The following DLG2 variants were observed in gnomAD, a reference collection of about 807,000 sequenced individuals.
DLG2 encodes the protein disks large homolog 2.
DLG2 carries 45 observed loss-of-function variants against 132.5 expected under a neutral mutation model. The ratio of observed to expected loss-of-function variants is 0.34; its 90% CI spans 0.27 to 0.44. The LOEUF is 0.44. Ranked by LOEUF, DLG2 falls within the 20% of genes least tolerant of loss-of-function variation. The probability of loss-of-function intolerance (pLI) is 1.00; values close to 1 mark genes in which losing one functional copy is unlikely to be tolerated. For missense variants in DLG2, 1,045 were observed against 1,196.9 expected (o/e 0.87, Z 1.87); for synonymous variants, 424 against 419.6 (o/e 1.01, Z -0.13).
At chr11:83,592,561 A>G (rs2097206358) in intron 19 of DLG2, among the ~76,000 whole-genome samples, 1 of 152,212 alleles carries the variant, frequency 6.6e-6, no homozygotes. Flanking sequence ...CCTAGGCATC[A>G]CCATTCAGGA....
rs2099214600 is a variant in DLG2 at position 84,502,258 on chromosome 11, CCTTCCTTCCTT to C, written c.519+32301_519+32311del. 4.5e-5 allele frequency among the ~76,000 whole-genome samples: 2 copies of C among 44,888 alleles called. 1 individual carries two copies. Among genetic ancestry groups the C allele is most frequent in the Non-Finnish European group, 7.7e-5 (2 of 26,092 alleles). 29.4% of individuals were successfully genotyped at this position (44,888 alleles called of 152,430 possible). On this transcript the variant is annotated intron_variant, in intron 7 of 27. Transcript: ENST00000376104. ...TCCTTCCTTCCTTCCTTCCTTCCTT[CCTTCCTTCCTT>C]CCTTCCTTCCTTCTTTCTTTCTTTC... is the stretch of plus-strand genomic sequence containing the variant.
At chr11:83,835,289 T>C (rs2055822110) in intron 16 of DLG2, among the ~76,000 whole-genome samples, 2 of 152,098 alleles carry the variant, frequency 1.3e-5, no homozygotes, top group African/African-American at 4.8e-5. Context: ...TAATAAACAA[T>C]AGATGCAATA....
intron 7 of DLG2, among the ~76,000 whole-genome samples, chr11:84,479,419 G>C (rs746339942): frequency 4.1e-4 from 63 of 151,896 alleles, no homozygotes; most frequent in Admixed American, 7.9e-4. Context: ...CTCTTGTTCA[G>C]ATATAATTCA....
chr11:85,284,444 A>C (rs2078431099), intron 4 of DLG2, among the ~76,000 whole-genome samples: 1 of 151,840 alleles, frequency 6.6e-6, no homozygotes, highest in South Asian at 2.1e-4. Context: ...AGCTTCCAAA[A>C]CATCGAGTTG....
At chr11:84,733,158 T>C (rs922816061) in intron 6 of DLG2, among the ~76,000 whole-genome samples, 3 of 152,204 alleles carry the variant, frequency 2.0e-5, no homozygotes, top group African/African-American at 7.2e-5. Flanking sequence ...ATATACCCAG[T>C]AATGGGATTG....
chr11:85,625,107 C>G (rs2153283199), intron 2 of DLG2: 1 of 151,198 alleles, frequency 6.6e-6, no homozygotes, highest in Non-Finnish European at 1.5e-5. Context: ...TCCCACATAC[C>G]TTTTTATCTC....
chr11:83,774,300 T>C (rs1407542067), intron 18 of DLG2, among the ~76,000 whole-genome samples: 1 of 152,240 alleles, frequency 6.6e-6, no homozygotes, highest in East Asian at 1.9e-4. Flanking sequence ...AGCCACATTA[T>C]AGGGTTTCTG....
chr11:84,714,613 CTCTTTCTCTT>C (rs2060936079), intron 6 of DLG2, among the ~76,000 whole-genome samples: 5 of 104,416 alleles, frequency 4.8e-5, no homozygotes, highest in African/African-American at 2.0e-4. Flanking sequence ...CTTTCTCTTT[CTCTTTCTCTT>C]TCTCTCTCTC....
chr11:85,452,569 G>T, intron 3 of DLG2: 1 of 202,066 alleles, frequency 4.9e-6, no homozygotes, highest in Non-Finnish European at 1.1e-5. Flanking sequence ...ACCATAACTA[G>T]AATGTACCCT....
At chr11:83,958,140 AT>A (rs2087405176) in intron 14 of DLG2, among the ~76,000 whole-genome samples, 1 of 152,228 alleles carries the variant, frequency 6.6e-6, no homozygotes, top group Non-Finnish European at 1.5e-5. Context: ...GAAGCTGAAT[AT>A]TCACTGAATG....
intron 21 of DLG2, among the ~76,000 whole-genome samples, chr11:83,511,107 CACACACAT>C (rs1447688415): frequency 6.0e-5 from 9 of 150,924 alleles, no homozygotes; most frequent in African/African-American, 2.2e-4. Flanking sequence ...CACACACACA[CACACACAT>C]TCTTTTCTAT....
At chr11:84,776,096 T>C (rs2070430163) in intron 6 of DLG2, among the ~76,000 whole-genome samples, 1 of 152,184 alleles carries the variant, frequency 6.6e-6, no homozygotes. Context: ...ATTAAGTATT[T>C]TATCCCCTCC....
At chr11:84,856,412 C>T (rs1013621897) in intron 6 of DLG2, among the ~76,000 whole-genome samples, 2 of 152,158 alleles carry the variant, frequency 1.3e-5, no homozygotes, top group South Asian at 4.1e-4. Flanking sequence ...GGCTTCCTTC[C>T]TTGTGTTGTA....
chr11:84,789,706 T>C lies in DLG2; in HGVS notation c.358-254975A>G, dbSNP rs180711108. 1.0e-3 allele frequency among the ~76,000 whole-genome samples: 152 copies of C among 152,260 alleles called. 1 individual carries two copies. The highest frequency in any genetic ancestry group is 3.5e-3 in the African/African-American group (144 of 41,570). On this transcript the variant is annotated intron_variant, in intron 6 of 27. Coordinates refer to ENST00000376104, the MANE Select transcript of DLG2 (RefSeq NM_001142699.3). ...TATTTTTTTAACCATTAACCATCTC[T>C]ACATCCCCCCATTAACCCTCACTAC...
At chr11:85,481,858 C>G (rs2093301126) in intron 3 of DLG2, among the ~76,000 whole-genome samples, 1 of 152,072 alleles carries the variant, frequency 6.6e-6, no homozygotes, top group Admixed American at 6.6e-5. Flanking sequence ...AGTGCCAGAC[C>G]AGCCCCCTGC....
At chr11:85,136,529 A>G (rs552742715) in intron 5 of DLG2, among the ~76,000 whole-genome samples, 1 of 152,302 alleles carries the variant, frequency 6.6e-6, no homozygotes, top group East Asian at 1.9e-4. Flanking sequence ...GATTTTCACA[A>G]GAAGTCTTTG....
At chr11:85,397,504 C>G (rs1361558650) in intron 3 of DLG2, among the ~76,000 whole-genome samples, 3 of 152,006 alleles carry the variant, frequency 2.0e-5, no homozygotes, top group African/African-American at 7.2e-5. Flanking sequence ...AAGAATCAAG[C>G]ACCATTGGTA....
chr11:83,653,869 T>C (rs1216194299), intron 18 of DLG2, among the ~76,000 whole-genome samples: 1 of 151,980 alleles, frequency 6.6e-6, no homozygotes, highest in Non-Finnish European at 1.5e-5. Context: ...ATTACAGGCA[T>C]GCACCACCAC....
chr11:84,036,465 G>C (rs1263312827), intron 11 of DLG2, among the ~76,000 whole-genome samples: 1 of 152,024 alleles, frequency 6.6e-6, no homozygotes, highest in African/African-American at 2.4e-5. Context: ...CACTCTAACA[G>C]ATGTCCCATC....
Sources: allele counts gnomAD v4.1 joint callset (sites outside exome capture counted in the v4.1 genomes callset), GRCh38; gene constraint gnomAD v4.1.1; transcripts MANE v1.5; gene names NCBI Gene and HGNC (gene_info 2026-07-23, HGNC 2026-07-21).